The following ODAD2 variants were observed in gnomAD, a reference collection of about 807,000 sequenced individuals.
ODAD2 encodes the protein outer dynein arm docking complex subunit 2.
Under a neutral mutation model 106.8 loss-of-function variants are expected in ODAD2, and 89 were observed. That is an observed-to-expected ratio of 0.83 (90% CI 0.70 to 0.99). ODAD2 has a LOEUF of 0.99. Among genes scored for constraint, ODAD2 ranks in the 50% least tolerant of loss-of-function variants. The pLI, the probability that ODAD2 is intolerant of heterozygous loss-of-function variation, is 0.00. For missense variants in ODAD2, 1,168 were observed against 1,238.5 expected, an observed-to-expected ratio of 0.94 and a Z score of 0.85; for synonymous variants, 404 against 436.2, an observed-to-expected ratio of 0.93 and a Z score of 0.92.
chr10:27,969,055 T>C (rs528772565), intron 8 of ODAD2, 37 bp from the exon 9 acceptor site: 1 of 595,024 alleles, frequency 1.7e-6, no homozygotes, highest in African/African-American at 1.9e-5. Context: ...GCTTTATTGC[T>C]TTATGCTAAT....
In ODAD2 at chr10:27,944,250, A is replaced by G; in HGVS notation, c.1715T>C (p.Val572Ala). 1 of 1,612,920 alleles carries G rather than the reference A, an allele frequency of 6.2e-7. No individual in the cohort carries two copies. The highest frequency in any genetic ancestry group is 8.5e-7 in the Non-Finnish European group (1 of 1,179,822). Residue 572 changes from valine (V) to alanine (A), a missense_variant, in exon 12 of 20, where the codon GTG (valine) becomes GCG (alanine). Val to Ala is a moderately conservative substitution (Grantham distance 64). This residue lies in a region of ODAD2 where 701 missense variants were observed against 712.3 expected (regional missense o/e 0.98). Coordinates refer to ENST00000305242, the MANE Select transcript of ODAD2 (RefSeq NM_018076.5). ...TTTGGTGATACCCCCGTGCTGCCTC[A>G]CCACCCGCCGTGCTCTTTTAAACTT... The part of the protein sequence containing the change: ...VAKFKRARRV[V>A]RQHGGITKLV...
At chr10:27,907,010 A>G (rs1371775989) in intron 17 of ODAD2, among the ~76,000 whole-genome samples, 1 of 152,152 alleles carries the variant, frequency 6.6e-6, no homozygotes, top group African/African-American at 2.4e-5. Context: ...CTTAGAGTAT[A>G]ATTTAAAAAA....
chr10:27,835,159 T>C (rs998600563), intron 19 of ODAD2, among the ~76,000 whole-genome samples: 2 of 152,144 alleles, frequency 1.3e-5, no homozygotes, highest in Non-Finnish European at 2.9e-5. Flanking sequence ...TGGAGGAGCG[T>C]CAAATCCTGC....
intron 19 of ODAD2, among the ~76,000 whole-genome samples, chr10:27,826,407 T>C (rs1837049393): frequency 6.6e-6 from 1 of 151,880 alleles, no homozygotes; most frequent in African/African-American, 2.4e-5. Flanking sequence ...CAGGTGTCTC[T>C]CTCATCAACT....
intron 17 of ODAD2, among the ~76,000 whole-genome samples, chr10:27,904,843 G>A (rs1194930456): frequency 1.3e-5 from 2 of 152,184 alleles, no homozygotes; most frequent in Admixed American, 6.5e-5. Context: ...GGAGGGAATG[G>A]GCATCTTGAT....
intron 10 of ODAD2, among the ~76,000 whole-genome samples, chr10:27,949,017 A>AT (rs1386352567): frequency 6.6e-6 from 1 of 152,128 alleles, no homozygotes; most frequent in Non-Finnish European, 1.5e-5. Flanking sequence ...TTCAAATAAA[A>AT]TATTTGAAAT....
chr10:27,961,829 C>T lies in ODAD2; in HGVS notation c.1239-114G>A, dbSNP rs1420143520. The stretch of plus-strand genomic sequence containing the variant: ...CCTATAATCTCAGTGCTTTGGGAGG[C>T]TGAGGTGGGAGGATTACTTAAGGCC... On this transcript the variant is annotated intron_variant, in intron 9 of 19. Transcript: ENST00000305242. The T allele has an allele frequency of 4.7e-6, 4 of 855,780 alleles. No homozygotes were observed. The East Asian group carries it at 8.0e-5, about 17-fold the overall frequency. The allele number at this position is 855,780 out of a possible 1,614,324, so 53.0% of individuals were successfully genotyped here.
intron 17 of ODAD2, among the ~76,000 whole-genome samples, chr10:27,873,927 C>T (rs1387700856): frequency 1.3e-5 from 2 of 152,058 alleles, no homozygotes; most frequent in African/African-American, 2.4e-5. Context: ...CTTTCTGTCT[C>T]GTTGATCCGT....
intron 10 of ODAD2, among the ~76,000 whole-genome samples, chr10:27,945,803 T>C (rs1846873552): frequency 6.6e-6 from 1 of 152,110 alleles, no homozygotes. Context: ...ACTACTGCTA[T>C]TCAGCTGGCT....
chr10:27,827,486 C>G (rs961821314), intron 19 of ODAD2, among the ~76,000 whole-genome samples: 1 of 151,436 alleles, frequency 6.6e-6, no homozygotes, highest in African/African-American at 2.4e-5. Context: ...TTTCCCCCCA[C>G]AAGCAGATTT....
intron 14 of ODAD2, among the ~76,000 whole-genome samples, chr10:27,937,343 T>TA (rs1846063272): frequency 6.7e-6 from 1 of 149,378 alleles, no homozygotes; most frequent in African/African-American, 2.5e-5. Flanking sequence ...TTTTTTCTTT[T>TA]TTTTTTTTTT....
At chr10:27,858,593 C>T (rs555491411) in intron 19 of ODAD2, among the ~76,000 whole-genome samples, 16 of 152,140 alleles carry the variant, frequency 1.1e-4, no homozygotes, top group African/African-American at 3.9e-4. Flanking sequence ...TTTCTTATTG[C>T]CTTTCTTTTT....
intron 10 of ODAD2, among the ~76,000 whole-genome samples, chr10:27,959,337 C>CAG (rs1277524694): frequency 2.6e-5 from 4 of 151,848 alleles, no homozygotes; most frequent in African/African-American, 9.7e-5. Flanking sequence ...CTGCCCACCT[C>CAG]AGAGAGAGTG....
At chr10:27,978,804 G>C (rs561925132) in intron 7 of ODAD2, among the ~76,000 whole-genome samples, 1 of 151,610 alleles carries the variant, frequency 6.6e-6, no homozygotes, top group African/African-American at 2.4e-5. Context: ...AAAAAGAAAA[G>C]AAAAGGAAAA....
At chr10:27,822,583 G>A (rs991356819) in intron 19 of ODAD2, among the ~76,000 whole-genome samples, 1 of 152,164 alleles carries the variant, frequency 6.6e-6, no homozygotes, top group African/African-American at 2.4e-5. Flanking sequence ...CTGGGGTTCT[G>A]CTGCTCTTCC....
intron 2 of ODAD2, among the ~76,000 whole-genome samples, chr10:27,994,318 T>C (rs1346153233): frequency 6.6e-6 from 1 of 152,026 alleles, no homozygotes; most frequent in Non-Finnish European, 1.5e-5. Flanking sequence ...GCCCAGGAAT[T>C]GATCAATTTA....
intron 7 of ODAD2, among the ~76,000 whole-genome samples, chr10:27,976,065 C>T (rs888766651): frequency 6.6e-6 from 1 of 152,048 alleles, no homozygotes; most frequent in Non-Finnish European, 1.5e-5. Flanking sequence ...CCACAGTACA[C>T]AAAGAAACAT....
At chr10:27,875,274 T>C (rs1459089011) in intron 17 of ODAD2, among the ~76,000 whole-genome samples, 2 of 152,126 alleles carry the variant, frequency 1.3e-5, no homozygotes, top group Non-Finnish European at 2.9e-5. Flanking sequence ...TTTTTGAAGG[T>C]TTTTAGCTGC....
Position 27,955,696 on chromosome 10 carries a change from GGTGTGTGTGTGTGT to G in ODAD2, c.1386+5858_1386+5871del, listed in dbSNP as rs56731384. ...TCGAAAGAACTCTTTAACCAATTAA[GGTGTGTGTGTGTGT>G]GTGTGTGTGTGTGTGTGTGTGTGTG... On this transcript the variant is annotated intron_variant, in intron 10 of 19. Transcript: ENST00000305242. Among the ~76,000 whole-genome samples the G allele has an allele frequency of 7.9e-3, 1,125 of 142,886 alleles. 3 individuals are homozygous for G. Among genetic ancestry groups the G allele is most frequent in the Middle Eastern group, 0.024 (7 of 292 alleles). The allele number at this position is 142,886 out of a possible 152,430, so 93.7% of individuals were successfully genotyped here.
Sources: gnomAD v4.1 joint callset for allele counts (sites outside exome capture counted in the v4.1 genomes callset) on GRCh38, gnomAD v4.1.1 for gene constraint, gnomAD v4.1.1 regional missense constraint, MANE v1.5 for transcripts, NCBI Gene and HGNC (gene_info 2026-07-23, HGNC 2026-07-21) for gene names.